Variants in KCNMB2 observed in about 807,000 individuals in gnomAD.
KCNMB2 encodes potassium calcium-activated channel subfamily M regulatory beta subunit 2, also known as calcium-activated potassium channel subunit beta-2.
In KCNMB2, 9 loss-of-function variants were observed where a neutral mutation model predicts 24.5. The ratio of observed to expected loss-of-function variants is 0.37; its 90% CI spans 0.22 to 0.64. KCNMB2 has a LOEUF of 0.64. Ranked by LOEUF, KCNMB2 falls within the 30% of genes least tolerant of loss-of-function variation. The probability of loss-of-function intolerance (pLI) is 0.63; values close to 1 mark genes in which losing one functional copy is unlikely to be tolerated. For missense variants in KCNMB2, 226 were observed against 284.3 expected (o/e 0.79, Z 1.47); for synonymous variants, 109 against 104.4 (o/e 1.04, Z -0.27).
chr3:178,623,953 T>C (rs1366438432), intron 1 of KCNMB2, among the ~76,000 whole-genome samples: 2 of 152,158 alleles, frequency 1.3e-5, no homozygotes, highest in Non-Finnish European at 2.9e-5. Flanking sequence ...TCCCAGGTCA[T>C]AGGATACCTT....
chr3:178,621,812 G>C (rs1028714275), intron 1 of KCNMB2, among the ~76,000 whole-genome samples: 1 of 152,298 alleles, frequency 6.6e-6, no homozygotes, highest in East Asian at 1.9e-4. Flanking sequence ...CTCAAGATCA[G>C]AAAGGTTAGT....
intron 1 of KCNMB2, among the ~76,000 whole-genome samples, chr3:178,754,281 C>T (rs1723954312): frequency 6.6e-6 from 1 of 150,450 alleles, no homozygotes; most frequent in Non-Finnish European, 1.5e-5. Context: ...TGTAGTAATG[C>T]TTCAATGAAC....
intron 1 of KCNMB2, among the ~76,000 whole-genome samples, chr3:178,806,712 T>TAAG (rs1246380047): frequency 1.5e-5 from 2 of 132,566 alleles, no homozygotes; most frequent in East Asian, 4.2e-4. Flanking sequence ...ATAATAATAA[T>TAAG]AATAACCCAC....
chr3:178,743,584 T>C (rs1431788459), intron 1 of KCNMB2, among the ~76,000 whole-genome samples: 1 of 152,246 alleles, frequency 6.6e-6, no homozygotes, highest in African/African-American at 2.4e-5. Context: ...CCCTGGTTAC[T>C]GTAATTCCCT....
rs75550898 is a variant in KCNMB2, at chr3:178,722,829, G to T, written c.-67-84514G>T. Among the ~76,000 whole-genome samples, 298 of 152,262 alleles carry T rather than the reference G, an allele frequency of 2.0e-3. 2 individuals carry two copies. Among genetic ancestry groups the T allele is most frequent in the African/African-American group, 6.9e-3 (286 of 41,572 alleles). On this transcript the variant is annotated intron_variant, in intron 1 of 4. Transcript: ENST00000452583. ...GATGGGTTGAGCCCTGGGGGCGGAG[G>T]TTGTTATGAGCTGAGATTGCACCAC... is the stretch of plus-strand genomic sequence containing the variant.
rs569708500 is a variant in KCNMB2 at position 178,751,642 on chromosome 3, G to A, written c.-67-55701G>A. Among the ~76,000 whole-genome samples the A allele has an allele frequency of 5.7e-4, 77 of 135,610 alleles. 1 individual carries two copies. The Middle Eastern group carries it at 0.015, about 26-fold the overall frequency. The allele number at this position is 135,610 out of a possible 152,430, so 89.0% of individuals were successfully genotyped here. A position where few individuals can be genotyped will look rare whatever the true frequency, so the allele number is the denominator to read the frequency against. On this transcript the variant is annotated intron_variant, in intron 1 of 4. Transcript: ENST00000452583. ...ACACTACTGAGTAGATTATTTTAGAGCAAATGGAAACATGCTGGCAGTTCA... is the reference window on the plus strand; with the variant it reads ...ACACTACTGAGTAGATTATTTTAGAACAAATGGAAACATGCTGGCAGTTCA...
In KCNMB2 at chr3:178,613,246, A is replaced by C. The variant is rs192319974; in HGVS notation, c.-68+76535A>C. On this transcript the variant is annotated intron_variant, in intron 1 of 4. Transcript: ENST00000452583. The stretch of plus-strand genomic sequence containing the variant: ...AACCCCATCTCTACTAAAAATACAA[A>C]AATTAGTGGGGCATGGTGGTGGGCG... Among the ~76,000 whole-genome samples, 26 of 152,264 alleles carry C rather than the reference A, an allele frequency of 1.7e-4. No individual in the cohort carries two copies. In the East Asian group the frequency reaches 5.0e-3, roughly 29 times the overall value.
intron 1 of KCNMB2, among the ~76,000 whole-genome samples, chr3:178,685,674 T>A (rs1342701507): frequency 6.6e-6 from 1 of 152,256 alleles, no homozygotes; most frequent in East Asian, 1.9e-4. Context: ...TAGGAAATTA[T>A]TAAGTCCAAA....
At chr3:178,634,733 C>G (rs1469787457) in intron 1 of KCNMB2, among the ~76,000 whole-genome samples, 3 of 152,156 alleles carry the variant, frequency 2.0e-5, no homozygotes, top group Admixed American at 6.5e-5. Flanking sequence ...CAGCTGCCAT[C>G]TTTCTGATGT....
intron 1 of KCNMB2, among the ~76,000 whole-genome samples, chr3:178,770,495 G>A (rs1316371451): frequency 6.6e-6 from 1 of 152,166 alleles, no homozygotes; most frequent in Non-Finnish European, 1.5e-5. Flanking sequence ...GAAACAGACA[G>A]GACCTAGCGG....
At chr3:178,642,598 T>C (rs1244842742) in intron 1 of KCNMB2, among the ~76,000 whole-genome samples, 1 of 152,222 alleles carries the variant, frequency 6.6e-6, no homozygotes, top group Non-Finnish European at 1.5e-5. Context: ...TCTGAGATCC[T>C]CTCATCAGGT....
intron 1 of KCNMB2, among the ~76,000 whole-genome samples, chr3:178,576,570 C>T (rs148432994): frequency 1.4e-3 from 208 of 152,272 alleles, no homozygotes; most frequent in African/African-American, 4.8e-3. Flanking sequence ...CCCCATGGAG[C>T]CCAGCAAGCT....
intron 1 of KCNMB2, among the ~76,000 whole-genome samples, chr3:178,635,023 A>T (rs1719465731): frequency 6.6e-6 from 1 of 152,062 alleles, no homozygotes. Context: ...GACTGTGGTG[A>T]TGGAAGGGAA....
intron 1 of KCNMB2, among the ~76,000 whole-genome samples, chr3:178,753,503 C>T (rs959297267): frequency 6.6e-6 from 1 of 152,064 alleles, no homozygotes; most frequent in Non-Finnish European, 1.5e-5. Context: ...ATGCCTGGGA[C>T]TCTTAAGTGT....
chr3:178,838,646 T>C (rs1715319821), intron 4 of KCNMB2, among the ~76,000 whole-genome samples: 1 of 152,098 alleles, frequency 6.6e-6, no homozygotes, highest in Non-Finnish European at 1.5e-5. Context: ...ATATATTTCA[T>C]TAGCCAAAAC....
At chr3:178,822,134 T>C (rs1714653961) in intron 2 of KCNMB2, among the ~76,000 whole-genome samples, 1 of 152,226 alleles carries the variant, frequency 6.6e-6, no homozygotes, top group African/African-American at 2.4e-5. Context: ...CTGCCTCTTT[T>C]TCCCTGTCCC....
chr3:178,753,953 C>T (rs1482497836), intron 1 of KCNMB2, among the ~76,000 whole-genome samples: 15 of 151,898 alleles, frequency 9.9e-5, no homozygotes, highest in African/African-American at 3.4e-4. Context: ...TCTCTTGTCC[C>T]ATCAGACTCT....
At chr3:178,779,817 C>A (rs1055723473) in intron 1 of KCNMB2, among the ~76,000 whole-genome samples, 1 of 152,058 alleles carries the variant, frequency 6.6e-6, no homozygotes, top group African/African-American at 2.4e-5. Flanking sequence ...AGTACATTAA[C>A]CCATTATGAG....
chr3:178,767,639 A>G (rs1712176237), intron 1 of KCNMB2, among the ~76,000 whole-genome samples: 1 of 152,226 alleles, frequency 6.6e-6, no homozygotes, highest in Admixed American at 6.5e-5. Context: ...TGCCAAAGGT[A>G]GAAACTCATT....
Sources: allele counts gnomAD v4.1 joint callset (sites outside exome capture counted in the v4.1 genomes callset), GRCh38; gene constraint gnomAD v4.1.1; transcripts MANE v1.5; gene names NCBI Gene and HGNC (gene_info 2026-07-23, HGNC 2026-07-21).